Variants in CACNG3 observed in about 807,000 individuals in gnomAD.
CACNG3 encodes voltage-dependent calcium channel gamma-3 subunit.
A neutral mutation model predicts 28.5 loss-of-function variants in CACNG3; 3 were observed. The observed-to-expected ratio is 0.11, with a 90% CI of 0.05 to 0.27. The LOEUF is 0.27. Ranked by LOEUF, CACNG3 falls within the 10% of genes least tolerant of loss-of-function variation. The pLI is 1.00. For synonymous variants in CACNG3, 174 were observed against 162.2 expected, an observed-to-expected ratio of 1.07 and a Z score of -0.55; for missense variants, 236 against 414.4, an observed-to-expected ratio of 0.57 and a Z score of 3.74.
At chr16:24,313,162 C>T (rs1402764420) in intron 1 of CACNG3, among the ~76,000 whole-genome samples, 2 of 151,932 alleles carry the variant, frequency 1.3e-5, no homozygotes, top group African/African-American at 4.8e-5. Flanking sequence ...GTGTATAAGC[C>T]ATTAGTCTTT....
Position 24,318,881 on chromosome 16 carries a change from C to T in CACNG3, c.212-27853C>T, listed in dbSNP as rs1451369940. Among the ~76,000 whole-genome samples the T allele has an allele frequency of 2.0e-5, 3 of 152,160 alleles. 1 individual carries two copies. Among genetic ancestry groups the T allele is most frequent in the Admixed American group, 1.3e-4 (2 of 15,272 alleles). On this transcript the variant is annotated intron_variant, in intron 1 of 3. Transcript: ENST00000005284. ...ACCCCACCAGTAGGAGGCTCCCTGGCTGCAGGTAGCATCTACCAAGGCTGC... is the reference window on the plus strand; with the variant it reads ...ACCCCACCAGTAGGAGGCTCCCTGGTTGCAGGTAGCATCTACCAAGGCTGC...
intron 1 of CACNG3, among the ~76,000 whole-genome samples, chr16:24,336,396 C>G (rs1899709890): frequency 6.6e-6 from 1 of 151,046 alleles, no homozygotes; most frequent in Admixed American, 6.6e-5. Context: ...CTCAGCCTCC[C>G]GAGTAGCAGG....
intron 1 of CACNG3, among the ~76,000 whole-genome samples, chr16:24,276,425 G>A (rs1898754448): frequency 6.6e-6 from 1 of 152,122 alleles, no homozygotes; most frequent in South Asian, 2.1e-4. Flanking sequence ...GGAGTCCTAA[G>A]ACCAAAAAAT....
intron 1 of CACNG3, among the ~76,000 whole-genome samples, chr16:24,270,945 G>A (rs181268391): frequency 1.6e-3 from 243 of 152,324 alleles, no homozygotes; most frequent in Non-Finnish European, 2.6e-3. Flanking sequence ...GGCTTGAAGC[G>A]GGGAATGTGC....
chr16:24,315,792 G>T (rs1013133416), intron 1 of CACNG3, among the ~76,000 whole-genome samples: 2 of 151,972 alleles, frequency 1.3e-5, no homozygotes, highest in African/African-American at 4.8e-5. Context: ...CCAAGTAGCT[G>T]GGATTACAGG....
intron 1 of CACNG3, among the ~76,000 whole-genome samples, chr16:24,307,882 T>C (rs928261912): frequency 6.6e-5 from 10 of 152,164 alleles, no homozygotes; most frequent in Admixed American, 6.5e-5. Flanking sequence ...TTCATAACTC[T>C]ACTTCTTGGG....
At chr16:24,307,683 C>G (rs1013259518) in intron 1 of CACNG3, among the ~76,000 whole-genome samples, 1 of 152,198 alleles carries the variant, frequency 6.6e-6, no homozygotes, top group Admixed American at 6.5e-5. Flanking sequence ...TACCACAGCT[C>G]TCTCCATCAT....
intron 1 of CACNG3, among the ~76,000 whole-genome samples, chr16:24,345,531 C>T (rs1846896057): frequency 6.6e-6 from 1 of 151,984 alleles, no homozygotes; most frequent in Non-Finnish European, 1.5e-5. Flanking sequence ...TGAAACCCAT[C>T]TCTCCTAAAA....
intron 1 of CACNG3, among the ~76,000 whole-genome samples, chr16:24,292,253 C>T (rs11640935): frequency 0.2 from 30,312 of 152,038 alleles, 3,461 homozygotes; most frequent in Non-Finnish European, 0.27. Context: ...TCCTGAATGG[C>T]GAAACAGAGT....
At chr16:24,280,821 CAAAAAA>C (rs71154295) in intron 1 of CACNG3, among the ~76,000 whole-genome samples, 12 of 55,626 alleles carry the variant, frequency 2.2e-4, no homozygotes, top group South Asian at 1.1e-3. Flanking sequence ...GAGTTTGTCT[CAAAAAA>C]AAAAAAAAAA....
intron 1 of CACNG3, among the ~76,000 whole-genome samples, chr16:24,298,942 A>G (rs1278703076): frequency 6.6e-6 from 1 of 152,226 alleles, no homozygotes; most frequent in African/African-American, 2.4e-5. Flanking sequence ...TTCTCAACAC[A>G]TCAAATCAAG....
At chr16:24,337,935 G>A (rs1899733375) in intron 1 of CACNG3, among the ~76,000 whole-genome samples, 1 of 149,954 alleles carries the variant, frequency 6.7e-6, no homozygotes, top group African/African-American at 2.5e-5. Context: ...AGAGCTAAAG[G>A]GACAGCTAGA....
intron 1 of CACNG3, among the ~76,000 whole-genome samples, chr16:24,340,339 A>C (rs570301059): frequency 6.6e-6 from 1 of 152,300 alleles, no homozygotes; most frequent in Admixed American, 6.5e-5. Context: ...TCGAGGCTTC[A>C]GTGAGCCATA....
At chr16:24,313,690 C>A (rs1373446832) in intron 1 of CACNG3, among the ~76,000 whole-genome samples, 3 of 152,084 alleles carry the variant, frequency 2.0e-5, no homozygotes, top group Non-Finnish European at 4.4e-5. Context: ...AAACTCCTGG[C>A]TTCAAATGGT....
intron 1 of CACNG3, among the ~76,000 whole-genome samples, chr16:24,269,808 A>G (rs1453364336): frequency 6.7e-6 from 1 of 149,066 alleles, no homozygotes; most frequent in East Asian, 1.9e-4. Context: ...AGAAAGAAAG[A>G]GAAAGAAAGG....
chr16:24,298,612 ATTTG>A (rs1899064606), intron 1 of CACNG3, among the ~76,000 whole-genome samples: 1 of 152,210 alleles, frequency 6.6e-6, no homozygotes, highest in Admixed American at 6.5e-5. Context: ...AATATGAGAC[ATTTG>A]TTCCAACTAA....
rs553563704 is a variant in CACNG3, at chr16:24,319,792, A to T, written c.212-26942A>T. Among the ~76,000 whole-genome samples the T allele has an allele frequency of 3.3e-5, 5 of 151,770 alleles. No homozygotes were observed. The South Asian group carries it at 8.3e-4, about 25-fold the overall frequency. On this transcript the variant is annotated intron_variant, in intron 1 of 3. Transcript: ENST00000005284. The stretch of plus-strand genomic sequence containing the variant: ...TTTTGTTTGTTTGTTTTGTTTTTAA[A>T]GAGAGTCTCACTCTGTTGCCCAGGC...
At chr16:24,353,616 C>A (rs749634813) in intron 2 of CACNG3, among the ~76,000 whole-genome samples, 1 of 152,166 alleles carries the variant, frequency 6.6e-6, no homozygotes, top group African/African-American at 2.4e-5. Flanking sequence ...GCAGTGCCTG[C>A]GCCCTTGTGG....
At chr16:24,290,924 A>G (rs1406610215) in intron 1 of CACNG3, among the ~76,000 whole-genome samples, 1 of 152,192 alleles carries the variant, frequency 6.6e-6, no homozygotes, top group African/African-American at 2.4e-5. Context: ...GATGTGTCAC[A>G]TAATAAAATA....
Sources: gnomAD v4.1 joint callset for allele counts (sites outside exome capture counted in the v4.1 genomes callset) on GRCh38, gnomAD v4.1.1 for gene constraint, MANE v1.5 for transcripts, NCBI Gene and HGNC (gene_info 2026-07-23, HGNC 2026-07-21) for gene names.